Variants in RFX3 observed in about 807,000 individuals in gnomAD.
The protein encoded by RFX3 is regulatory factor X3, also known as transcription factor RFX3.
RFX3 carries 14 observed loss-of-function variants against 98.6 expected under a neutral mutation model. The ratio of observed to expected loss-of-function variants is 0.14; its 90% confidence interval spans 0.09 to 0.22. RFX3 has a LOEUF of 0.22. Ranked by LOEUF, RFX3 falls within the 10% of genes least tolerant of loss-of-function variation. The pLI is 1.00. For missense variants in RFX3, 639 were observed against 926.9 expected (o/e 0.69, Z 4.03); for synonymous variants, 383 against 328.4 (o/e 1.17, Z -1.80).
chr9:3,363,165 C>A (rs1836657167), intron 2 of RFX3, among the ~76,000 whole-genome samples: 1 of 152,058 alleles, frequency 6.6e-6, no homozygotes, highest in African/African-American at 2.4e-5. Context: ...CTGTGGTGAC[C>A]AGAAAGAGCA....
intron 2 of RFX3, among the ~76,000 whole-genome samples, chr9:3,354,521 A>C (rs904376953): frequency 6.6e-6 from 1 of 151,986 alleles, no homozygotes; most frequent in Non-Finnish European, 1.5e-5. Flanking sequence ...AATGACTGAA[A>C]ACTTCTCAGT....
At chr9:3,338,102 G>C (rs1015555111) in intron 3 of RFX3, among the ~76,000 whole-genome samples, 3 of 152,110 alleles carry the variant, frequency 2.0e-5, no homozygotes, top group African/African-American at 7.2e-5. Flanking sequence ...ACACCAAAAG[G>C]AAAACAGTAC....
intron 13 of RFX3, among the ~76,000 whole-genome samples, chr9:3,262,176 G>A (rs906487553): frequency 6.6e-6 from 1 of 151,670 alleles, no homozygotes; most frequent in African/African-American, 2.4e-5. Flanking sequence ...TTTTCCTCTT[G>A]TTGCTTATGC....
chr9:3,492,047 C>G (rs1450008446), intron 1 of RFX3, among the ~76,000 whole-genome samples: 1 of 152,124 alleles, frequency 6.6e-6, no homozygotes, highest in Non-Finnish European at 1.5e-5. Context: ...ATCTCTGGCA[C>G]AACTATTCAA....
chr9:3,334,734 TTGTC>T (rs1832968547), intron 3 of RFX3, among the ~76,000 whole-genome samples: 1 of 152,126 alleles, frequency 6.6e-6, no homozygotes, highest in Admixed American at 6.5e-5. Flanking sequence ...GTGTGATAAA[TTGTC>T]TGAATTTGGC....
intron 7 of RFX3, among the ~76,000 whole-genome samples, chr9:3,285,906 T>G (rs1445783511): frequency 6.6e-6 from 1 of 151,780 alleles, no homozygotes; most frequent in Admixed American, 6.6e-5. Flanking sequence ...ATCTGTTTCA[T>G]GAGGAGACCA....
At chr9:3,293,644 A>C (rs907868142) in intron 5 of RFX3, among the ~76,000 whole-genome samples, 8 of 152,210 alleles carry the variant, frequency 5.3e-5, no homozygotes, top group Non-Finnish European at 1.0e-4. Flanking sequence ...GCCTGGTAGC[A>C]TGGTAAACAG....
At chr9:3,327,295 A>C (rs554194199) in intron 4 of RFX3, among the ~76,000 whole-genome samples, 1 of 152,324 alleles carries the variant, frequency 6.6e-6, no homozygotes, top group African/African-American at 2.4e-5. Flanking sequence ...TGAAATCTTA[A>C]ATAGGTTTCA....
chr9:3,413,162 T>C (rs1241118150), intron 1 of RFX3, among the ~76,000 whole-genome samples: 1 of 151,938 alleles, frequency 6.6e-6, no homozygotes, highest in Non-Finnish European at 1.5e-5. Context: ...CTCCTAAGGA[T>C]ACTAGTCCCA....
chr9:3,261,953 C>T (rs914927013), intron 13 of RFX3, among the ~76,000 whole-genome samples: 1 of 152,026 alleles, frequency 6.6e-6, no homozygotes, highest in East Asian at 1.9e-4. Flanking sequence ...GTTTTCTTTG[C>T]GGAAATGTCT....
At chr9:3,418,412 C>A (rs752529214) in intron 1 of RFX3, among the ~76,000 whole-genome samples, 4 of 151,852 alleles carry the variant, frequency 2.6e-5, no homozygotes, top group Non-Finnish European at 5.9e-5. Flanking sequence ...TGGAGTCTTG[C>A]TCTGTCACCC....
intron 4 of RFX3, among the ~76,000 whole-genome samples, chr9:3,318,023 T>C (rs1830829565): frequency 6.6e-6 from 1 of 152,214 alleles, no homozygotes; most frequent in Non-Finnish European, 1.5e-5. Context: ...CATTACTGGG[T>C]ACGTACCCAA....
At position 3,345,555 on chromosome 9, in the gene RFX3, T is replaced by C. The variant is rs180841260; in HGVS notation, c.215+1112A>G. On this transcript the variant is annotated intron_variant, in intron 3 of 16. Coordinates refer to ENST00000617270, the MANE Select transcript of RFX3 (RefSeq NM_001282116.2). ...TCTATTATTGTACCAGGCTCTGTAT[T>C]AGGTACTTTAAATATATTTCCTTGT... is the stretch of plus-strand genomic sequence containing the variant. Among the ~76,000 whole-genome samples, 203 of 152,252 alleles carry C rather than the reference T, an allele frequency of 1.3e-3. 1 individual carries two copies. Among genetic ancestry groups the C allele is most frequent in the African/African-American group, 4.5e-3 (187 of 41,558 alleles).
chr9:3,438,836 T>A lies in RFX3; in HGVS notation c.-8-43240A>T, dbSNP rs562120906. On this transcript the variant is annotated intron_variant, in intron 1 of 16. Coordinates refer to ENST00000617270, the MANE Select transcript of RFX3 (RefSeq NM_001282116.2). ...AAGTGATCAATTCATCAAGACGACA[T>A]AATAATTTTAAATGATTATGCACCA... Among the ~76,000 whole-genome samples, 223 of 152,100 alleles carry A rather than the reference T, an allele frequency of 1.5e-3. 1 individual carries two copies. Among genetic ancestry groups the A allele is most frequent in the African/African-American group, 5.2e-3 (217 of 41,542 alleles).
At chr9:3,289,237 C>T in intron 6 of RFX3, among the ~76,000 whole-genome samples, 1 of 151,892 alleles carries the variant, frequency 6.6e-6, no homozygotes, top group Admixed American at 6.6e-5. Context: ...CAGAATTGCA[C>T]TTCCAAGATT....
At chr9:3,408,721 G>A (rs1031447134) in intron 1 of RFX3, among the ~76,000 whole-genome samples, 3 of 151,654 alleles carry the variant, frequency 2.0e-5, no homozygotes, top group Admixed American at 6.6e-5. Context: ...ACATGCACAC[G>A]CAAATAAACA....
intron 1 of RFX3, among the ~76,000 whole-genome samples, chr9:3,476,642 T>G (rs773346358): frequency 2.2e-4 from 34 of 152,192 alleles, no homozygotes; most frequent in Non-Finnish European, 3.4e-4. Context: ...TGTAAAACTA[T>G]GAAGGAATCC....
chr9:3,364,532 A>G (rs1836823121), intron 2 of RFX3: 1 of 172,078 alleles, frequency 5.8e-6, no homozygotes, highest in African/African-American at 2.4e-5. Context: ...ATGATGCCAT[A>G]TTTGGTTGAT....
intron 1 of RFX3, among the ~76,000 whole-genome samples, chr9:3,468,817 A>G (rs1238382339): frequency 1.8e-5 from 2 of 108,120 alleles, no homozygotes; most frequent in African/African-American, 9.7e-5. Context: ...TTCCTTTTGA[A>G]AAAAAAAAAA....
Sources: gnomAD v4.1 joint callset for allele counts (sites outside exome capture counted in the v4.1 genomes callset) on GRCh38, gnomAD v4.1.1 for gene constraint, MANE v1.5 for transcripts, NCBI Gene and HGNC (gene_info 2026-07-23, HGNC 2026-07-21) for gene names.